ZBTB8A: variants seen among roughly 807,000 people sequenced by gnomAD.
The protein encoded by ZBTB8A is zinc finger and BTB domain-containing protein 8A.
Under a neutral mutation model 37.8 loss-of-function variants are expected in ZBTB8A, and 19 were observed. The ratio of observed to expected loss-of-function variants is 0.50; its 90% CI spans 0.35 to 0.74. The LOEUF is 0.74. Among genes scored for constraint, ZBTB8A ranks in the 30% least tolerant of loss-of-function variants. The pLI is 0.01. For synonymous variants in ZBTB8A, 181 were observed against 185.2 expected (o/e 0.98, Z 0.19); for missense variants, 394 against 537.8 (o/e 0.73, Z 2.65).
intron 2 of ZBTB8A, among the ~76,000 whole-genome samples, chr1:32,580,219 A>G (rs1434363746): frequency 6.6e-6 from 1 of 152,132 alleles, no homozygotes; most frequent in South Asian, 2.1e-4. Flanking sequence ...CTACAAAGTG[A>G]GACTCCATCT....
chr1:32,599,531 AC>A lies in ZBTB8A; in HGVS notation c.994-555del, dbSNP rs372013783. Among the ~76,000 whole-genome samples the A allele has an allele frequency of 3.6e-3, 550 of 152,242 alleles. 5 individuals are homozygous for A. The highest frequency in any genetic ancestry group is 0.012 in the African/African-American group (486 of 41,548). ...CAGGAGTTTGAGACCAGCCTGACCA[AC>A]ATGGTGAAACCCCATCTCTACTAAA... On this transcript the variant is annotated intron_variant, in intron 4 of 4. Coordinates refer to ENST00000373510, the MANE Select transcript of ZBTB8A (RefSeq NM_001040441.3).
chr1:32,567,536 T>C (rs1239119157), intron 2 of ZBTB8A, among the ~76,000 whole-genome samples: 2 of 152,120 alleles, frequency 1.3e-5, no homozygotes, highest in East Asian at 3.8e-4. Flanking sequence ...GGCTCACACC[T>C]GTAATCCCAG....
At chr1:32,587,728 G>C (rs1398527102) in intron 2 of ZBTB8A, among the ~76,000 whole-genome samples, 1 of 152,064 alleles carries the variant, frequency 6.6e-6, no homozygotes, top group Admixed American at 6.6e-5. Context: ...AATCTCCAAA[G>C]TGATATCTTT....
intron 2 of ZBTB8A, among the ~76,000 whole-genome samples, chr1:32,555,893 T>A (rs910215909): frequency 8.6e-5 from 13 of 151,198 alleles, no homozygotes; most frequent in African/African-American, 1.2e-4. Flanking sequence ...GTTTCAAATT[T>A]AAAAAAAAAT....
At chr1:32,565,630 G>A (rs143544931) in intron 2 of ZBTB8A, among the ~76,000 whole-genome samples, 3 of 152,286 alleles carry the variant, frequency 2.0e-5, no homozygotes, top group South Asian at 4.2e-4. Flanking sequence ...TCCAACCTGG[G>A]TGACAGATTG....
chr1:32,578,169 GTTC>G (rs1405585488), intron 2 of ZBTB8A, among the ~76,000 whole-genome samples: 4 of 150,608 alleles, frequency 2.7e-5, no homozygotes, highest in African/African-American at 4.9e-5. Flanking sequence ...GGTTCAAGCA[GTTC>G]TTCTGCCTCA....
intron 2 of ZBTB8A, among the ~76,000 whole-genome samples, chr1:32,578,783 A>AGAG (rs1644381920): frequency 3.9e-5 from 6 of 152,080 alleles, no homozygotes; most frequent in Admixed American, 2.0e-4. Context: ...GTGTGATCAT[A>AGAG]GCGCGCTACA....
At chr1:32,586,653 C>G (rs1369117438) in intron 2 of ZBTB8A, among the ~76,000 whole-genome samples, 1 of 151,896 alleles carries the variant, frequency 6.6e-6, no homozygotes, top group Non-Finnish European at 1.5e-5. Flanking sequence ...GAGAGACTGG[C>G]AAGTACAAAG....
chr1:32,579,189 C>T (rs1020902182), intron 2 of ZBTB8A, among the ~76,000 whole-genome samples: 1 of 152,076 alleles, frequency 6.6e-6, no homozygotes, highest in African/African-American at 2.4e-5. Flanking sequence ...TGGCTCACAC[C>T]TAAAATACCA....
chr1:32,572,100 G>A (rs1644326911), intron 2 of ZBTB8A, among the ~76,000 whole-genome samples: 1 of 151,936 alleles, frequency 6.6e-6, no homozygotes, highest in Admixed American at 6.6e-5. Context: ...TGTTTACAAG[G>A]GATATTGGTC....
chr1:32,568,531 C>T (rs1383980941), intron 2 of ZBTB8A, among the ~76,000 whole-genome samples: 1 of 151,866 alleles, frequency 6.6e-6, no homozygotes, highest in Non-Finnish European at 1.5e-5. Flanking sequence ...GGACTGCAGG[C>T]GCCCGCCACT....
intron 2 of ZBTB8A, among the ~76,000 whole-genome samples, chr1:32,568,013 A>G (rs373585083): frequency 6.6e-6 from 1 of 150,944 alleles, no homozygotes; most frequent in African/African-American, 2.4e-5. Context: ...GTGGTGGCAC[A>G]CACTTGTAAT....
At chr1:32,544,224 A>G (rs966567389) in intron 1 of ZBTB8A, among the ~76,000 whole-genome samples, 1 of 152,236 alleles carries the variant, frequency 6.6e-6, no homozygotes, top group South Asian at 2.1e-4. Flanking sequence ...ATGTGTTGTT[A>G]GGTGATTTTT....
chr1:32,549,271 A>G (rs374097980), intron 1 of ZBTB8A, among the ~76,000 whole-genome samples: 10 of 152,268 alleles, frequency 6.6e-5, no homozygotes, highest in East Asian at 3.9e-4. Context: ...AGGCGGGCGG[A>G]TCACCTGAGG....
chr1:32,559,427 A>G (rs1251620188), intron 2 of ZBTB8A, among the ~76,000 whole-genome samples: 1 of 151,360 alleles, frequency 6.6e-6, no homozygotes, highest in Non-Finnish European at 1.5e-5. Flanking sequence ...TTCAAAACTC[A>G]TGTTGGAACT....
intron 1 of ZBTB8A, among the ~76,000 whole-genome samples, chr1:32,551,862 TG>T (rs1218460183): frequency 1.3e-5 from 2 of 152,164 alleles, no homozygotes; most frequent in Non-Finnish European, 2.9e-5. Context: ...CATGAGCCAC[TG>T]GGCCCAGCTC....
chr1:32,597,242 A>G (rs1397880312), intron 4 of ZBTB8A, among the ~76,000 whole-genome samples: 1 of 151,866 alleles, frequency 6.6e-6, no homozygotes, highest in African/African-American at 2.4e-5. Flanking sequence ...TGATCCATCC[A>G]CCTCGGCCTC....
chr1:32,589,853 C>T (rs897367665), intron 2 of ZBTB8A, among the ~76,000 whole-genome samples: 7 of 151,864 alleles, frequency 4.6e-5, no homozygotes, highest in African/African-American at 1.5e-4. Flanking sequence ...CGCCCGGCCT[C>T]TGTTCATTTT....
chr1:32,589,733 G>T (rs1557715879), intron 2 of ZBTB8A, among the ~76,000 whole-genome samples: 3 of 151,466 alleles, frequency 2.0e-5, no homozygotes, highest in Non-Finnish European at 4.4e-5. Flanking sequence ...GGTATTTTTA[G>T]TAGAGACGGG....
Sources: allele counts gnomAD v4.1 joint callset (sites outside exome capture counted in the v4.1 genomes callset), GRCh38; gene constraint gnomAD v4.1.1; transcripts MANE v1.5; gene names NCBI Gene and HGNC (gene_info 2026-07-23, HGNC 2026-07-21).